VIT: variants seen among roughly 807,000 people sequenced by gnomAD.
VIT encodes the protein vitrin.
Under a neutral mutation model 78.0 loss-of-function variants are expected in VIT, and 99 were observed. The ratio of observed to expected loss-of-function variants is 1.27; its 90% confidence interval spans 1.08 to 1.50. The LOEUF is 1.50. VIT is among the 40% of genes most tolerant of loss of function. VIT has a pLI of 0.00. For missense variants in VIT, 1,126 were observed against 875.3 expected, an observed-to-expected ratio of 1.29 and a Z score of -3.61; for synonymous variants, 374 against 334.3, an observed-to-expected ratio of 1.12 and a Z score of -1.29.
chr2:36,703,584 C>G (rs906636792), intron 1 of VIT, among the ~76,000 whole-genome samples: 2 of 152,202 alleles, frequency 1.3e-5, no homozygotes, highest in Non-Finnish European at 2.9e-5. Context: ...TCATTTTACC[C>G]TAAATAACGT....
intron 2 of VIT, among the ~76,000 whole-genome samples, chr2:36,726,918 C>CACGAG (rs1666890987): frequency 6.6e-6 from 1 of 150,462 alleles, no homozygotes; most frequent in Admixed American, 6.6e-5. Flanking sequence ...GGAGACTCAT[C>CACGAG]ACGAGGTCTG....
intron 1 of VIT, 79 bp from the exon 2 acceptor site, chr2:36,716,274 T>C: frequency 1.7e-6 from 2 of 1,171,246 alleles, no homozygotes; most frequent in Non-Finnish European, 2.5e-6. Flanking sequence ...AATGATGCAG[T>C]CTATCCCCAC....
chr2:36,730,951 AAAACCAATT>A (rs1667165335), intron 3 of VIT, among the ~76,000 whole-genome samples: 12 of 152,254 alleles, frequency 7.9e-5, no homozygotes, highest in Admixed American at 7.9e-4. Context: ...GACAGTGTAG[AAAACCAATT>A]AGGAAAAGGG....
Position 36,808,962 on chromosome 2 carries a change from C to G in VIT, c.1880C>G (p.Pro627Arg). The G allele has an allele frequency of 1.3e-6, 2 of 1,593,910 alleles. No individual in the cohort carries two copies. Among genetic ancestry groups the G allele is most frequent in the Non-Finnish European group, 1.7e-6 (2 of 1,167,210 alleles). The change falls in exon 15 of 16, where the codon CCA becomes CGA. Residue 627 changes from proline to arginine, a missense_variant. Coordinates refer to ENST00000379242, the MANE Select transcript of VIT (RefSeq NM_053276.4). ...DGRSYDDVRIPAMAAHLKGVI... is the reference protein window; with the variant it reads ...DGRSYDDVRIRAMAAHLKGVI... The stretch of plus-strand genomic sequence containing the variant: ...AGGTCCTACGACGACGTCCGGATCC[C>G]AGCCATGGCTGCCCATCTGAAGGGT...
At chr2:36,718,996 G>A (rs147347815) in intron 2 of VIT, among the ~76,000 whole-genome samples, 4 of 152,282 alleles carry the variant, frequency 2.6e-5, no homozygotes, top group African/African-American at 9.6e-5. Context: ...TAGGAATAGG[G>A]TTTAGTCGAA....
At chr2:36,805,308 G>GA (rs567911067) in intron 13 of VIT, 130 bp from the exon 14 acceptor site, 255,735 of 584,294 alleles carry the variant, frequency 0.44, 28,568 homozygotes, top group Admixed American at 0.59. Flanking sequence ...TGTCTCAAAG[G>GA]AAAAAAAAAA....
At chr2:36,795,361 TTTTA>T (rs1195567247) in intron 12 of VIT, among the ~76,000 whole-genome samples, 5 of 80,852 alleles carry the variant, frequency 6.2e-5, no homozygotes, top group Non-Finnish European at 1.3e-4. Flanking sequence ...TTTTATTTTA[TTTTA>T]TTTATTTTAT....
chr2:36,746,176 A>G (rs1668122053), intron 4 of VIT, among the ~76,000 whole-genome samples: 1 of 152,152 alleles, frequency 6.6e-6, no homozygotes, highest in Non-Finnish European at 1.5e-5. Context: ...GCGGTGAATT[A>G]GCTTTTTGAT....
chr2:36,793,018 G>A (rs551625585), intron 12 of VIT, among the ~76,000 whole-genome samples: 29 of 152,170 alleles, frequency 1.9e-4, no homozygotes, highest in African/African-American at 6.7e-4. Context: ...GACCTCACTC[G>A]GGTTCTACAG....
intron 15 of VIT, among the ~76,000 whole-genome samples, chr2:36,809,516 G>C (rs1304665447): frequency 6.6e-6 from 1 of 152,040 alleles, no homozygotes. Flanking sequence ...CTCCCAGGTT[G>C]AAGCAATTCT....
At chr2:36,716,866 ATTCTTT>A (rs1666169134) in intron 2 of VIT, among the ~76,000 whole-genome samples, 1 of 109,438 alleles carries the variant, frequency 9.1e-6, no homozygotes, top group African/African-American at 3.1e-5. Flanking sequence ...TTTAGAGATG[ATTCTTT>A]TTTTTTTTTT....
At position 36,729,287 on chromosome 2, in the gene VIT, G is replaced by T. The variant is rs573265696; in HGVS notation, c.53-139G>T. On this transcript the variant is annotated intron_variant, in intron 2 of 15. Transcript: ENST00000379242. ...TTTCAGAGAGTAGCCCCATCATTAA[G>T]TGATGCATGACTGTAAGAGGGAAAA... The T allele has an allele frequency of 6.8e-5, 42 of 613,154 alleles. No individual in the cohort carries two copies. The South Asian group carries it at 8.8e-4, about 13-fold the overall frequency. The allele number at this position is 613,154 out of a possible 1,614,324, so 38.0% of individuals were successfully genotyped here.
intron 3 of VIT, among the ~76,000 whole-genome samples, chr2:36,738,343 A>G (rs561827831): frequency 7.2e-5 from 11 of 152,328 alleles, no homozygotes; most frequent in Non-Finnish European, 1.3e-4. Flanking sequence ...CAATTGTTCA[A>G]TTGTTAATTG....
At chr2:36,782,742 T>C (rs1460346787) in intron 10 of VIT, among the ~76,000 whole-genome samples, 3 of 152,220 alleles carry the variant, frequency 2.0e-5, no homozygotes, top group Admixed American at 1.3e-4. Flanking sequence ...ACACACAGCT[T>C]CTGAGAGCAT....
chr2:36,726,404 T>G (rs1416200058), intron 2 of VIT, among the ~76,000 whole-genome samples: 1 of 152,260 alleles, frequency 6.6e-6, no homozygotes, highest in African/African-American at 2.4e-5. Flanking sequence ...CATGAATACC[T>G]GTATACATAT....
chr2:36,708,243 C>T (rs1242569862), intron 1 of VIT, among the ~76,000 whole-genome samples: 2 of 152,086 alleles, frequency 1.3e-5, no homozygotes, highest in Non-Finnish European at 2.9e-5. Context: ...TGGCCTCTCC[C>T]CATTCAGAGA....
chr2:36,755,673 G>A (rs1668716988), intron 5 of VIT, among the ~76,000 whole-genome samples: 1 of 152,118 alleles, frequency 6.6e-6, no homozygotes, highest in Admixed American at 6.5e-5. Context: ...GATCCTCACT[G>A]TAACAAGTAT....
At chr2:36,737,186 G>C (rs1017706968) in intron 3 of VIT, among the ~76,000 whole-genome samples, 1 of 152,148 alleles carries the variant, frequency 6.6e-6, no homozygotes, top group Non-Finnish European at 1.5e-5. Flanking sequence ...TACAGGCAGA[G>C]GTTGGGAAAG....
At chr2:36,778,042 C>G (rs1445821904) in intron 9 of VIT, among the ~76,000 whole-genome samples, 1 of 148,816 alleles carries the variant, frequency 6.7e-6, no homozygotes, top group Non-Finnish European at 1.5e-5. Flanking sequence ...TCCCACTATG[C>G]CTTCAGCCAC....
Sources: allele counts gnomAD v4.1 joint callset (sites outside exome capture counted in the v4.1 genomes callset), GRCh38; gene constraint gnomAD v4.1.1; transcripts MANE v1.5; gene names NCBI Gene and HGNC (gene_info 2026-07-23, HGNC 2026-07-21).